Variants in ERBB4 observed in about 807,000 individuals in gnomAD.
ERBB4 encodes the protein receptor tyrosine-protein kinase erbB-4.
ERBB4 carries 42 observed loss-of-function variants against 158.0 expected under a neutral mutation model. That is an observed-to-expected ratio of 0.27 (90% CI 0.21 to 0.34). ERBB4 has a LOEUF of 0.34. Among genes scored for constraint, ERBB4 ranks in the 10% least tolerant of loss-of-function variants. The pLI is 1.00. For missense variants in ERBB4, 1,333 were observed against 1,624.1 expected, an observed-to-expected ratio of 0.82 and a Z score of 3.08; for synonymous variants, 583 against 558.7, an observed-to-expected ratio of 1.04 and a Z score of -0.61.
At chr2:211,507,305 T>C (rs1345994479) in intron 20 of ERBB4, among the ~76,000 whole-genome samples, 1 of 152,142 alleles carries the variant, frequency 6.6e-6, no homozygotes, top group Admixed American at 6.5e-5. Context: ...GTACCTGTCC[T>C]ACTGAAATTA....
At chr2:212,190,729 C>T (rs1574395788) in intron 1 of ERBB4, among the ~76,000 whole-genome samples, 1 of 152,092 alleles carries the variant, frequency 6.6e-6, no homozygotes, top group Non-Finnish European at 1.5e-5. Flanking sequence ...ATCTATTTCA[C>T]ATCCTAATGA....
chr2:211,879,610 T>C (rs1189287033), intron 3 of ERBB4, among the ~76,000 whole-genome samples: 1 of 152,216 alleles, frequency 6.6e-6, no homozygotes, highest in East Asian at 1.9e-4. Flanking sequence ...CCAAGATTAA[T>C]GTGTATGAAT....
intron 5 of ERBB4, among the ~76,000 whole-genome samples, chr2:211,734,789 C>T (rs1025356167): frequency 4.6e-5 from 7 of 150,638 alleles, no homozygotes; most frequent in African/African-American, 1.7e-4. Context: ...GGCGTGGTGG[C>T]GGGCGCCTGT....
At chr2:211,753,221 C>A (rs6435666) in intron 4 of ERBB4, among the ~76,000 whole-genome samples, 67,990 of 151,300 alleles carry the variant, frequency 0.45, 15,664 homozygotes, top group Middle Eastern at 0.59. Context: ...TAGTTTGATT[C>A]TTGTAGATAA....
rs554139527 is a variant in ERBB4, at chr2:212,495,513, A to G, written c.82+42936T>C. Among the ~76,000 whole-genome samples the G allele has an allele frequency of 3.9e-5, 6 of 152,342 alleles. No homozygotes were observed. The South Asian group carries it at 6.2e-4, about 16-fold the overall frequency. ...TAAAGGAACACTGTATGTGTCTTAA[A>G]CCATCTGGTCCCAAGTTTGTATTGA... is the stretch of plus-strand genomic sequence containing the variant. On this transcript the variant is annotated intron_variant, in intron 1 of 27. Transcript: ENST00000342788.
intron 1 of ERBB4, among the ~76,000 whole-genome samples, chr2:212,314,916 G>A (rs567137207): frequency 6.6e-6 from 1 of 151,290 alleles, no homozygotes; most frequent in East Asian, 2.0e-4. Flanking sequence ...AATGGACTGA[G>A]GCTGAATTAA....
At chr2:211,575,858 T>C (rs2067875102) in intron 19 of ERBB4, among the ~76,000 whole-genome samples, 1 of 152,212 alleles carries the variant, frequency 6.6e-6, no homozygotes, top group South Asian at 2.1e-4. Flanking sequence ...TTCATGCTTA[T>C]GTAGGATAAT....
intron 2 of ERBB4, among the ~76,000 whole-genome samples, chr2:211,951,836 A>G (rs1444877415): frequency 2.0e-5 from 3 of 152,062 alleles, no homozygotes; most frequent in Non-Finnish European, 2.9e-5. Context: ...TCTTATGTGA[A>G]CTCTGGACAT....
intron 1 of ERBB4, among the ~76,000 whole-genome samples, chr2:212,185,507 G>C (rs2081991812): frequency 6.6e-6 from 1 of 152,094 alleles, no homozygotes; most frequent in Admixed American, 6.6e-5. Context: ...TTAAAAATCT[G>C]TTAACACGTA....
intron 1 of ERBB4, among the ~76,000 whole-genome samples, chr2:212,345,734 A>G (rs1440026365): frequency 1.3e-5 from 2 of 152,194 alleles, no homozygotes; most frequent in East Asian, 1.9e-4. Context: ...AAACTTTATC[A>G]AAGTTGATTT....
chr2:211,950,273 C>T (rs1357267652), intron 2 of ERBB4, among the ~76,000 whole-genome samples: 1 of 152,130 alleles, frequency 6.6e-6, no homozygotes, highest in Non-Finnish European at 1.5e-5. Context: ...GTGTCAATGT[C>T]TGATGGGAAA....
chr2:212,393,275 G>A (rs1205170949), intron 1 of ERBB4, among the ~76,000 whole-genome samples: 1 of 151,800 alleles, frequency 6.6e-6, no homozygotes, highest in Non-Finnish European at 1.5e-5. Flanking sequence ...TTTCAATAGG[G>A]AAGAATAAAT....
chr2:211,801,977 AGGCCG>A (rs1485370165), intron 3 of ERBB4, among the ~76,000 whole-genome samples: 1 of 152,168 alleles, frequency 6.6e-6, no homozygotes, highest in African/African-American at 2.4e-5. Context: ...ACTGGAATAC[AGGCCG>A]GGCACGGTGG....
intron 3 of ERBB4, among the ~76,000 whole-genome samples, chr2:211,944,193 A>ATTG (rs2080604570): frequency 6.2e-5 from 4 of 64,572 alleles, no homozygotes; most frequent in East Asian, 2.7e-4. Flanking sequence ...ATATATATAT[A>ATTG]TATATACTAT....
intron 3 of ERBB4, among the ~76,000 whole-genome samples, chr2:211,867,158 T>C (rs1228823094): frequency 6.6e-6 from 1 of 152,096 alleles, no homozygotes; most frequent in African/African-American, 2.4e-5. Context: ...ATACATTTAT[T>C]ACGTATTTGT....
intron 2 of ERBB4, among the ~76,000 whole-genome samples, chr2:211,959,666 G>T (rs2081128735): frequency 6.6e-6 from 1 of 151,908 alleles, no homozygotes; most frequent in African/African-American, 2.4e-5. Flanking sequence ...ACCTTCTAAG[G>T]CTGCATATAG....
chr2:211,862,785 T>G (rs1163352422), intron 3 of ERBB4, among the ~76,000 whole-genome samples: 2 of 152,184 alleles, frequency 1.3e-5, no homozygotes, highest in South Asian at 4.1e-4. Context: ...GATAATACCA[T>G]AAAAGGAATT....
At chr2:211,467,004 A>G (rs538065343) in intron 20 of ERBB4, among the ~76,000 whole-genome samples, 163 of 152,278 alleles carry the variant, frequency 1.1e-3, no homozygotes, top group African/African-American at 3.8e-3. Context: ...GTAATGCATT[A>G]TATTATATAT....
At chr2:212,148,786 C>T (rs367639185) in intron 1 of ERBB4, among the ~76,000 whole-genome samples, 2,744 of 146,348 alleles carry the variant, frequency 0.019, 34 homozygotes, top group Non-Finnish European at 0.031. Flanking sequence ...CAATGATAGA[C>T]TGGATTAAGA....
Sources: gnomAD v4.1 joint callset for allele counts (sites outside exome capture counted in the v4.1 genomes callset) on GRCh38, gnomAD v4.1.1 for gene constraint, MANE v1.5 for transcripts, NCBI Gene and HGNC (gene_info 2026-07-23, HGNC 2026-07-21) for gene names.